Variants in SCARA3 observed in about 807,000 individuals in gnomAD.
SCARA3 encodes scavenger receptor class A member 3, also known as cellular stress response gene protein.
In SCARA3, 39 loss-of-function variants were observed where a neutral mutation model predicts 47.0. The ratio of observed to expected loss-of-function variants is 0.83; its 90% CI spans 0.64 to 1.08. The LOEUF is 1.08. SCARA3 is among the 50% of genes least tolerant of loss of function. The pLI, the probability that SCARA3 is intolerant of heterozygous loss-of-function variation, is 0.00. For missense variants in SCARA3, 724 were observed against 792.3 expected (o/e 0.91, Z 1.04); for synonymous variants, 356 against 334.1 (o/e 1.07, Z -0.71).
At chr8:27,637,763 G>A (rs1273242070) in intron 1 of SCARA3, among the ~76,000 whole-genome samples, 6 of 152,164 alleles carry the variant, frequency 3.9e-5, no homozygotes, top group African/African-American at 1.4e-4. Context: ...GCAAAGGGTG[G>A]AAGTGGGGAG....
At chr8:27,694,972 G>A in the SCARA3 span, among the ~76,000 whole-genome samples, 1 of 152,198 alleles carries the variant, frequency 6.6e-6, no homozygotes, top group Admixed American at 6.5e-5. Context: ...TGGGGTCTTA[G>A]ATGAGGGTTT....
rs1802193112 is a variant in SCARA3 at position 27,672,579 on chromosome 8, C to T, written c.*1228C>T. On this transcript the variant is annotated 3_prime_UTR_variant, in exon 6 of 6. Transcript: ENST00000301904. ...CTTGTCCCACCGGGACCCACAATGG[C>T]CCGAGCCCTCTTTGCATGGGCAGCC... 1.0e-6 allele frequency: 1 copy of T among 985,564 alleles called. No homozygotes were observed. The highest frequency in any genetic ancestry group is 1.2e-6 in the Non-Finnish European group (1 of 830,158). 61.1% of individuals were successfully genotyped at this position (985,564 alleles called of 1,614,324 possible).
chr8:27,634,481 A>T (rs1488763582), intron 1 of SCARA3, among the ~76,000 whole-genome samples: 1 of 152,124 alleles, frequency 6.6e-6, no homozygotes, highest in African/African-American at 2.4e-5. Flanking sequence ...TAATTTTAAA[A>T]TCCAGAGAAG....
the SCARA3 span, among the ~76,000 whole-genome samples, chr8:27,686,546 G>T: frequency 1.1e-4 from 16 of 152,144 alleles, no homozygotes; most frequent in South Asian, 2.9e-3. Flanking sequence ...AGGACACAAG[G>T]CTTCCCTGTT....
At chr8:27,713,526 A>G in the SCARA3 span, among the ~76,000 whole-genome samples, 3 of 150,200 alleles carry the variant, frequency 2.0e-5, no homozygotes, top group Admixed American at 6.6e-5. Flanking sequence ...TTTCATCGGT[A>G]TGTACTCATG....
chr8:27,677,992 A>T (rs776736308), downstream of SCARA3, among the ~76,000 whole-genome samples: 6 of 152,242 alleles, frequency 3.9e-5, no homozygotes, highest in Non-Finnish European at 8.8e-5. Context: ...AAATATTTTG[A>T]ACTTCATGAA....
the SCARA3 span, among the ~76,000 whole-genome samples, chr8:27,699,300 C>G: frequency 6.7e-6 from 1 of 149,142 alleles, no homozygotes; most frequent in African/African-American, 2.5e-5. Context: ...TTTACATATC[C>G]TACACACTTC....
intron 3 of SCARA3, among the ~76,000 whole-genome samples, chr8:27,653,311 G>C (rs560498147): frequency 2.6e-5 from 4 of 152,322 alleles, no homozygotes; most frequent in African/African-American, 9.6e-5. Context: ...CGGGAGGCTG[G>C]CCCCATTCCT....
chr8:27,713,473 T>C, the SCARA3 span, among the ~76,000 whole-genome samples: 1 of 152,248 alleles, frequency 6.6e-6, no homozygotes, highest in Non-Finnish European at 1.5e-5. Flanking sequence ...ATTGTGTAAA[T>C]ACCCTATTCT....
chr8:27,701,734 C>T, the SCARA3 span: 8 of 150,928 alleles, frequency 5.3e-5, no homozygotes, highest in Non-Finnish European at 1.2e-4. Context: ...GCTCACCTGA[C>T]CTCCCATGCC....
At chr8:27,705,942 G>A in the SCARA3 span, among the ~76,000 whole-genome samples, 8 of 152,170 alleles carry the variant, frequency 5.3e-5, no homozygotes, top group African/African-American at 1.9e-4. Flanking sequence ...GGTGGTGAGA[G>A]AGAGCACGGC....
At chr8:27,685,014 A>G in the SCARA3 span, among the ~76,000 whole-genome samples, 1 of 152,334 alleles carries the variant, frequency 6.6e-6, no homozygotes, top group East Asian at 1.9e-4. Flanking sequence ...TGGAAAAAAG[A>G]AAGTTTAGAA....
chr8:27,680,258 T>TAA (rs1316115894), downstream of SCARA3, among the ~76,000 whole-genome samples: 18 of 150,530 alleles, frequency 1.2e-4, no homozygotes, highest in South Asian at 1.0e-3. Flanking sequence ...AAAAAGAAAA[T>TAA]AAAGGAAAAC....
At chr8:27,692,276 C>T in the SCARA3 span, among the ~76,000 whole-genome samples, 38 of 152,084 alleles carry the variant, frequency 2.5e-4, no homozygotes, top group Non-Finnish European at 4.9e-4. Flanking sequence ...CAAAATTAGC[C>T]GGGTGTGGTG....
the SCARA3 span, among the ~76,000 whole-genome samples, chr8:27,719,537 T>TAAA: frequency 1.6e-4 from 22 of 139,684 alleles, no homozygotes; most frequent in African/African-American, 5.4e-4. Flanking sequence ...AAATAAAAGT[T>TAAA]AAAAAAAAAA....
At chr8:27,649,965 C>T (rs534656741) in intron 2 of SCARA3, among the ~76,000 whole-genome samples, 165 bp downstream of exon 2, 4 of 152,210 alleles carry the variant, frequency 2.6e-5, no homozygotes, top group Admixed American at 6.5e-5. Flanking sequence ...CGGCCCTGGG[C>T]GTGCAGTACC....
intron 2 of SCARA3, 37 bp from the exon 3 acceptor site, chr8:27,651,471 C>G: frequency 6.2e-7 from 1 of 1,603,690 alleles, no homozygotes; most frequent in South Asian, 1.1e-5. Context: ...ACCTGGGCCC[C>G]TGGCCTAAGC....
intron 1 of SCARA3, among the ~76,000 whole-genome samples, chr8:27,635,423 T>C (rs956761336): frequency 6.6e-6 from 1 of 152,224 alleles, no homozygotes; most frequent in Non-Finnish European, 1.5e-5. Flanking sequence ...CTGCAGGTGC[T>C]ATCTTGAACT....
chr8:27,717,772 G>A, the SCARA3 span, among the ~76,000 whole-genome samples: 13 of 152,196 alleles, frequency 8.5e-5, 1 homozygote, highest in South Asian at 1.0e-3. Flanking sequence ...GAGACAGAGC[G>A]AGACTCCATC....
Sources: gnomAD v4.1 joint callset for allele counts (sites outside exome capture counted in the v4.1 genomes callset) on GRCh38, gnomAD v4.1.1 for gene constraint, MANE v1.5 for transcripts, NCBI Gene and HGNC (gene_info 2026-07-23, HGNC 2026-07-21) for gene names.